The following DCBLD2 variants were observed in gnomAD, a reference collection of about 807,000 sequenced individuals.
The protein encoded by DCBLD2 is discoidin, CUB and LCCL domain-containing protein 2.
In DCBLD2, 54 loss-of-function variants were observed where a neutral mutation model predicts 86.8. The observed-to-expected ratio is 0.62, with a 90% CI of 0.50 to 0.78. DCBLD2 has a LOEUF of 0.78. Among genes scored for constraint, DCBLD2 ranks in the 30% least tolerant of loss-of-function variants. The pLI, the probability that DCBLD2 is intolerant of heterozygous loss-of-function variation, is 0.00. For missense variants in DCBLD2, 908 were observed against 954.2 expected (o/e 0.95, Z 0.64); for synonymous variants, 354 against 341.3 (o/e 1.04, Z -0.41).
At chr3:98,835,619 G>T (rs1378476926) in intron 3 of DCBLD2, among the ~76,000 whole-genome samples, 1 of 145,598 alleles carries the variant, frequency 6.9e-6, no homozygotes, top group Non-Finnish European at 1.5e-5. Flanking sequence ...GTGCAATCTC[G>T]GCTCACTGCA....
Position 98,874,258 on chromosome 3 carries a change from C to G in DCBLD2, c.433+7282G>C, listed in dbSNP as rs145181331. ...TTATTTGTATGTATAGTATCAATAC[C>G]TAAGCCTGATAAAGAAAATGCAAAG... is the stretch of plus-strand genomic sequence containing the variant. On this transcript the variant is annotated intron_variant, in intron 2 of 15. Coordinates refer to ENST00000326840, the MANE Select transcript of DCBLD2 (RefSeq NM_080927.4). Among the ~76,000 whole-genome samples the G allele has an allele frequency of 4.5e-4, 68 of 152,172 alleles. 1 individual carries two copies. Among genetic ancestry groups the G allele is most frequent in the Middle Eastern group, 3.4e-3 (1 of 294 alleles).
chr3:98,879,267 C>T (rs1170631073), intron 2 of DCBLD2, among the ~76,000 whole-genome samples: 1 of 152,192 alleles, frequency 6.6e-6, no homozygotes, highest in Non-Finnish European at 1.5e-5. Flanking sequence ...AAATCCTAGA[C>T]ATTTGAACTT....
chr3:98,853,357 C>T (rs893533417), intron 2 of DCBLD2, among the ~76,000 whole-genome samples: 1 of 152,140 alleles, frequency 6.6e-6, no homozygotes, highest in African/African-American at 2.4e-5. Flanking sequence ...GGCCAGTTTT[C>T]TAAGTGGTTG....
chr3:98,849,188 T>C (rs1007733887), intron 3 of DCBLD2, among the ~76,000 whole-genome samples: 15 of 151,940 alleles, frequency 9.9e-5, no homozygotes, highest in African/African-American at 3.6e-4. Context: ...AAAAAAGTTA[T>C]TATAGCTCGT....
At chr3:98,803,329 TC>T (rs1305208434) in intron 13 of DCBLD2, among the ~76,000 whole-genome samples, 2 of 152,230 alleles carry the variant, frequency 1.3e-5, no homozygotes, top group Admixed American at 6.5e-5. Flanking sequence ...GGGAGTTCAC[TC>T]ATGATTTGGC....
chr3:98,856,411 T>G (rs572304487), intron 2 of DCBLD2, among the ~76,000 whole-genome samples: 4 of 152,228 alleles, frequency 2.6e-5, no homozygotes, highest in African/African-American at 9.6e-5. Context: ...CAAAGGGGCC[T>G]ATTATGAGCT....
chr3:98,853,893 A>G (rs1942884326), intron 2 of DCBLD2, among the ~76,000 whole-genome samples: 1 of 152,240 alleles, frequency 6.6e-6, no homozygotes, highest in Admixed American at 6.5e-5. Flanking sequence ...TGCTAGAACA[A>G]AAGCACATCA....
chr3:98,872,770 A>G (rs937712037), intron 2 of DCBLD2, among the ~76,000 whole-genome samples: 7 of 152,172 alleles, frequency 4.6e-5, no homozygotes, highest in Non-Finnish European at 1.0e-4. Flanking sequence ...ACACGAAAAG[A>G]CACTTAAAAA....
At chr3:98,856,394 A>G (rs768594705) in intron 2 of DCBLD2, among the ~76,000 whole-genome samples, 2 of 152,152 alleles carry the variant, frequency 1.3e-5, no homozygotes, top group Non-Finnish European at 1.5e-5. Context: ...AGAAAAAACT[A>G]TATTAACAAA....
intron 1 of DCBLD2, among the ~76,000 whole-genome samples, chr3:98,884,953 T>C (rs1191135341): frequency 2.0e-5 from 3 of 152,172 alleles, no homozygotes; most frequent in Non-Finnish European, 2.9e-5. Flanking sequence ...AATTTTTAGG[T>C]GTCTTATGCT....
chr3:98,839,175 TCTTTCTTCCTTCCTTC>T (rs1210548449), intron 3 of DCBLD2, among the ~76,000 whole-genome samples: 10 of 101,622 alleles, frequency 9.8e-5, no homozygotes, highest in East Asian at 4.9e-4. Flanking sequence ...TTCTTTCCTT[TCTTTCTTCCTTCCTTC>T]CTTCCTTCCT....
intron 9 of DCBLD2, chr3:98,815,951 G>A (rs1942013394): frequency 4.2e-5 from 1 of 24,006 alleles, no homozygotes. Context: ...ATTGGGGAAG[G>A]GAAATATTTG....
At chr3:98,836,352 A>T (rs2107465207) in intron 3 of DCBLD2, among the ~76,000 whole-genome samples, 1 of 147,400 alleles carries the variant, frequency 6.8e-6, no homozygotes, top group South Asian at 2.2e-4. Flanking sequence ...TCTGTGGATG[A>T]AATTTGTATA....
At chr3:98,820,572 C>A (rs1463257509) in intron 6 of DCBLD2, among the ~76,000 whole-genome samples, 1 of 152,098 alleles carries the variant, frequency 6.6e-6, no homozygotes, top group East Asian at 1.9e-4. Context: ...ATATGTACTT[C>A]TTTTTCATAT....
At chr3:98,859,211 TAAAC>T (rs1486081115) in intron 2 of DCBLD2, among the ~76,000 whole-genome samples, 1 of 152,016 alleles carries the variant, frequency 6.6e-6, no homozygotes, top group Non-Finnish European at 1.5e-5. Context: ...GTTGAGTAGG[TAAAC>T]AAAGCGGCCA....
chr3:98,804,333 TA>T, intron 13 of DCBLD2, among the ~76,000 whole-genome samples: 1 of 152,338 alleles, frequency 6.6e-6, no homozygotes, highest in East Asian at 1.9e-4. Flanking sequence ...TTTATTTGCA[TA>T]GAGGTGTTTG....
intron 2 of DCBLD2, among the ~76,000 whole-genome samples, chr3:98,861,659 A>G (rs528759922): frequency 6.6e-6 from 1 of 152,314 alleles, no homozygotes; most frequent in South Asian, 2.1e-4. Context: ...GCAGAAATAA[A>G]TATGTTCTTT....
rs758949733 is a variant in DCBLD2 at position 98,817,773 on chromosome 3, T to C, written c.1208A>G (p.Asp403Gly). 3 of 1,613,462 alleles carry C rather than the reference T, an allele frequency of 1.9e-6. No homozygotes were observed. Among genetic ancestry groups the C allele is most frequent in the South Asian group, 2.2e-5 (2 of 91,050 alleles). Residue 403 changes from aspartate (D) to glycine (G), a missense_variant, in exon 9 of 16, where the codon GAT becomes GGT. Asp to Gly is a moderately conservative substitution (Grantham distance 94, BLOSUM62 -1). Around this residue, in one of 3 missense-constraint regions of DCBLD2, gnomAD observed 606 missense variants for 678.5 expected, o/e 0.89. Coordinates refer to ENST00000326840, the MANE Select transcript of DCBLD2 (RefSeq NM_080927.4). ...ATACCTTGGTAATCATTTTACCTTA[T>C]CTTGCTCCACACCAGGCTCTCTGTA... ...TVYREPGVEQ[D>G]KIFQGNKDYH...
At chr3:98,815,320 G>A (rs909145780) in intron 9 of DCBLD2, 7 of 152,032 alleles carry the variant, frequency 4.6e-5, no homozygotes, top group Non-Finnish European at 8.8e-5. Context: ...GCTGCAGTGA[G>A]TACTTAGAAC....
Sources: allele counts gnomAD v4.1 joint callset (sites outside exome capture counted in the v4.1 genomes callset), GRCh38; gene constraint gnomAD v4.1.1; regional missense constraint gnomAD v4.1.1; transcripts MANE v1.5; gene names NCBI Gene and HGNC (gene_info 2026-07-23, HGNC 2026-07-21).